Variants in PIGN observed in about 807,000 individuals in gnomAD.
PIGN encodes phosphatidylinositol glycan anchor biosynthesis class N.
PIGN carries 117 observed loss-of-function variants against 125.4 expected under a neutral mutation model. The ratio of observed to expected loss-of-function variants is 0.93; its 90% CI spans 0.80 to 1.09. PIGN has a LOEUF of 1.09. PIGN is among the 50% of genes least tolerant of loss of function. The pLI, the probability that PIGN is intolerant of heterozygous loss-of-function variation, is 0.00. For missense variants in PIGN, 1,075 were observed against 1,094.9 expected, an observed-to-expected ratio of 0.98 and a Z score of 0.26; for synonymous variants, 392 against 377.8, an observed-to-expected ratio of 1.04 and a Z score of -0.44.
At chr18:62,117,605 T>C (rs1311925467) in intron 14 of PIGN, among the ~76,000 whole-genome samples, 1 of 152,244 alleles carries the variant, frequency 6.6e-6, no homozygotes, top group East Asian at 1.9e-4. Context: ...AAACCTGAGT[T>C]GTGGGTACAA....
In PIGN at chr18:62,170,149, C is replaced by G. The variant is rs559942636; in HGVS notation, c.-235-6493G>C. ...ATATTATTGAGTATCTTTCCATAGGCTTACTGATCTACCATTTGTACGGAT... is the reference window on the plus strand; with the variant it reads ...ATATTATTGAGTATCTTTCCATAGGGTTACTGATCTACCATTTGTACGGAT... On this transcript the variant is annotated intron_variant, in intron 1 of 30. Coordinates refer to ENST00000640252, the MANE Select transcript of PIGN (RefSeq NM_176787.5). Among the ~76,000 whole-genome samples the G allele has an allele frequency of 2.6e-5, 4 of 152,240 alleles. No homozygotes were observed. In the South Asian group the frequency reaches 6.2e-4, roughly 24 times the overall value.
chr18:62,183,897 T>A (rs56208741), intron 1 of PIGN, among the ~76,000 whole-genome samples: 24,952 of 151,774 alleles, frequency 0.16, 2,741 homozygotes, highest in Middle Eastern at 0.29. Context: ...TTAATGTAAA[T>A]AAAATTGCAG....
At chr18:62,075,392 G>A (rs1450810844) in intron 28 of PIGN, 1 of 152,184 alleles carries the variant, frequency 6.6e-6, no homozygotes, top group East Asian at 1.9e-4. Flanking sequence ...TGTTTTATGA[G>A]TAGAATCACA....
intron 1 of PIGN, among the ~76,000 whole-genome samples, chr18:62,182,058 GGC>G (rs1447667549): frequency 1.3e-5 from 2 of 152,070 alleles, no homozygotes; most frequent in Non-Finnish European, 2.9e-5. Context: ...GTTATCACTT[GGC>G]TTCTATGAAC....
chr18:62,170,651 T>G (rs2037317065), intron 1 of PIGN, among the ~76,000 whole-genome samples: 1 of 152,162 alleles, frequency 6.6e-6, no homozygotes, highest in Non-Finnish European at 1.5e-5. Flanking sequence ...ATCCTAAGTG[T>G]TCAAGTGAAA....
chr18:62,023,699 T>A (rs2030081475), intron 23 of PIGN, among the ~76,000 whole-genome samples: 1 of 152,226 alleles, frequency 6.6e-6, no homozygotes, highest in African/African-American at 2.4e-5. Flanking sequence ...GTTCCCTCTT[T>A]TGATTATCCA....
chr18:62,030,763 T>C (rs922779253), intron 23 of PIGN, among the ~76,000 whole-genome samples: 1 of 152,196 alleles, frequency 6.6e-6, no homozygotes. Flanking sequence ...AAGATCATGA[T>C]CTTCTCACCA....
chr18:62,109,361 C>T (rs1599542094), intron 17 of PIGN, among the ~76,000 whole-genome samples: 1 of 151,886 alleles, frequency 6.6e-6, no homozygotes, highest in East Asian at 1.9e-4. Context: ...TAAATATAAC[C>T]GTATTAGATT....
intron 23 of PIGN, among the ~76,000 whole-genome samples, chr18:62,025,250 A>G (rs1024750725): frequency 1.3e-5 from 2 of 152,206 alleles, no homozygotes; most frequent in African/African-American, 4.8e-5. Context: ...TGCTGTACAT[A>G]GCCAGTTCAA....
chr18:62,161,599 A>G (rs2036955758), intron 3 of PIGN, among the ~76,000 whole-genome samples: 1 of 152,216 alleles, frequency 6.6e-6, no homozygotes, highest in African/African-American at 2.4e-5. Flanking sequence ...CTAAGCAAAA[A>G]GAAAAAGTTC....
intron 23 of PIGN, among the ~76,000 whole-genome samples, chr18:62,031,443 C>G (rs905705761): frequency 1.3e-5 from 2 of 152,104 alleles, no homozygotes; most frequent in African/African-American, 4.8e-5. Flanking sequence ...TTTATGGGAA[C>G]CCTTGGAATA....
intron 23 of PIGN, among the ~76,000 whole-genome samples, chr18:62,030,330 T>C (rs2030178727): frequency 6.6e-6 from 1 of 152,216 alleles, no homozygotes; most frequent in Non-Finnish European, 1.5e-5. Context: ...TGGGGGGACA[T>C]TCTCTTCTAC....
At chr18:62,116,785 C>T (rs1480948583) in intron 14 of PIGN, among the ~76,000 whole-genome samples, 8 of 151,720 alleles carry the variant, frequency 5.3e-5, no homozygotes, top group African/African-American at 1.9e-4. Flanking sequence ...TATTGCAGAC[C>T]TAAAAAAGGA....
downstream of PIGN, among the ~76,000 whole-genome samples, chr18:62,037,302 G>A (rs116260185): frequency 1.1e-3 from 163 of 152,256 alleles, 1 homozygote; most frequent in African/African-American, 3.8e-3. Context: ...TTGCCAAAGG[G>A]AGGACTCTGG....
chr18:62,094,981 T>C (rs1232754339), intron 23 of PIGN, among the ~76,000 whole-genome samples: 1 of 152,188 alleles, frequency 6.6e-6, no homozygotes, highest in Non-Finnish European at 1.5e-5. Context: ...TTTTGAACTA[T>C]GACAACTAAG....
intron 24 of PIGN, 48 bp downstream of exon 24, chr18:62,090,428 A>T: frequency 9.8e-7 from 1 of 1,015,898 alleles, no homozygotes; most frequent in Non-Finnish European, 1.5e-6. Context: ...CTTATAGGAT[A>T]GAGACTAATA....
intron 23 of PIGN, among the ~76,000 whole-genome samples, chr18:62,031,687 G>T (rs1247704240): frequency 6.6e-6 from 1 of 152,168 alleles, no homozygotes; most frequent in Non-Finnish European, 1.5e-5. Context: ...CAGGGCAAAT[G>T]ATTTCTTTGG....
At chr18:62,138,774 A>G (rs569576428) in intron 13 of PIGN, among the ~76,000 whole-genome samples, 48 of 150,892 alleles carry the variant, frequency 3.2e-4, no homozygotes, top group African/African-American at 1.1e-3. Flanking sequence ...ACATGCAGTC[A>G]TACTCCTCAA....
intron 23 of PIGN, among the ~76,000 whole-genome samples, chr18:62,031,047 C>T (rs1342372512): frequency 1.3e-5 from 2 of 152,098 alleles, no homozygotes; most frequent in South Asian, 2.1e-4. Flanking sequence ...GTGTCTTCAC[C>T]CAAATCTCAC....
Sources: allele counts gnomAD v4.1 joint callset (sites outside exome capture counted in the v4.1 genomes callset), GRCh38; gene constraint gnomAD v4.1.1; transcripts MANE v1.5; gene names NCBI Gene and HGNC (gene_info 2026-07-23, HGNC 2026-07-21).